Variants in PHACTR1 observed in about 807,000 individuals in gnomAD.
The protein encoded by PHACTR1 is phosphatase and actin regulator 1.
Under a neutral mutation model 69.2 loss-of-function variants are expected in PHACTR1, and 16 were observed. That is an observed-to-expected ratio of 0.23 (90% CI 0.16 to 0.35). The LOEUF (loss-of-function observed/expected upper bound fraction) is 0.35. PHACTR1 is among the 10% of genes least tolerant of loss of function. The pLI is 1.00. For synonymous variants in PHACTR1, 312 were observed against 284.5 expected, an observed-to-expected ratio of 1.10 and a Z score of -0.97; for missense variants, 510 against 734.7, an observed-to-expected ratio of 0.69 and a Z score of 3.54.
At position 13,238,173 on chromosome 6, in the gene PHACTR1, C is replaced by T. The variant is rs536948035; in HGVS notation, c.1391+7980C>T. ...ACTGCTTTCTTTTCCTTAACACCCACAGCCTGGGAATCAGACGGGTTTAAG... is the reference window on the plus strand; with the variant it reads ...ACTGCTTTCTTTTCCTTAACACCCATAGCCTGGGAATCAGACGGGTTTAAG... On this transcript the variant is annotated intron_variant, in intron 10 of 14. Transcript: ENST00000332995. Among the ~76,000 whole-genome samples the T allele has an allele frequency of 2.6e-5, 4 of 152,336 alleles. No individual in the cohort carries two copies. In the South Asian group the frequency reaches 8.3e-4, roughly 32 times the overall value.
chr6:12,731,538 T>C (rs578033963), intron 3 of PHACTR1, among the ~76,000 whole-genome samples: 1 of 152,342 alleles, frequency 6.6e-6, no homozygotes, highest in Non-Finnish European at 1.5e-5. Context: ...AATCTGGACA[T>C]GTACACTGAA....
chr6:13,173,119 A>T (rs1021532775), intron 6 of PHACTR1, among the ~76,000 whole-genome samples: 6 of 152,198 alleles, frequency 3.9e-5, no homozygotes, highest in African/African-American at 1.4e-4. Context: ...TTTAAACACA[A>T]ACACACACAA....
At chr6:12,789,478 A>T (rs1168073294) in intron 4 of PHACTR1, among the ~76,000 whole-genome samples, 1 of 151,996 alleles carries the variant, frequency 6.6e-6, no homozygotes, top group Admixed American at 6.6e-5. Context: ...CTCAATTGCT[A>T]TTATGATTTT....
rs1324983657 is a variant in PHACTR1 at position 12,765,074 on chromosome 6, A to G, written c.250+15284A>G. On this transcript the variant is annotated intron_variant, in intron 4 of 14. Transcript: ENST00000332995. Reference sequence around the variant, plus strand: ...TATTAGAATTTGGTTAAAGGGGGATAGGAAGTGAAGTACCTGGCGTAGTCA... The same window carrying G: ...TATTAGAATTTGGTTAAAGGGGGATGGGAAGTGAAGTACCTGGCGTAGTCA... Among the ~76,000 whole-genome samples, 9 of 152,334 alleles carry G rather than the reference A, an allele frequency of 5.9e-5. No individual in the cohort carries two copies. In the East Asian group the frequency reaches 1.7e-3, roughly 29 times the overall value.
chr6:12,898,628 G>C (rs1044383138), intron 4 of PHACTR1, among the ~76,000 whole-genome samples: 1 of 152,098 alleles, frequency 6.6e-6, no homozygotes, highest in Non-Finnish European at 1.5e-5. Flanking sequence ...ACATTGACTC[G>C]CACTGGGACC....
At chr6:12,934,445 T>C (rs1287498144) in intron 4 of PHACTR1, among the ~76,000 whole-genome samples, 3 of 152,244 alleles carry the variant, frequency 2.0e-5, no homozygotes, top group African/African-American at 7.2e-5. Flanking sequence ...ATTTACTCCA[T>C]GGCTCTGGAG....
In PHACTR1 at chr6:12,835,550, A is replaced by G. The variant is rs561763549; in HGVS notation, c.250+85760A>G. On this transcript the variant is annotated intron_variant, in intron 4 of 14. Coordinates refer to ENST00000332995, the MANE Select transcript of PHACTR1 (RefSeq NM_030948.6). ...ATTCAATAGTTTTAAAAGGGTATTCAGGAGAAATAAGTCTCCCTCCCAGCA... is the reference window on the plus strand; with the variant it reads ...ATTCAATAGTTTTAAAAGGGTATTCGGGAGAAATAAGTCTCCCTCCCAGCA... Among the ~76,000 whole-genome samples the G allele has an allele frequency of 4.0e-4, 61 of 152,310 alleles. 1 individual carries two copies. The highest frequency in any genetic ancestry group is 1.3e-3 in the African/African-American group (56 of 41,574).
chr6:12,795,771 A>T (rs1485289398), intron 4 of PHACTR1, among the ~76,000 whole-genome samples: 1 of 151,702 alleles, frequency 6.6e-6, no homozygotes, highest in Non-Finnish European at 1.5e-5. Flanking sequence ...CTTTTTAAAT[A>T]CTTAGGTAAC....
chr6:13,131,150 C>CAT (rs1342701046), intron 5 of PHACTR1, among the ~76,000 whole-genome samples: 12 of 150,738 alleles, frequency 8.0e-5, no homozygotes, highest in Admixed American at 2.6e-4. Context: ...TATATATACA[C>CAT]ATATATATGT....
At chr6:13,131,202 T>C (rs201868071) in intron 5 of PHACTR1, among the ~76,000 whole-genome samples, 23 of 18,344 alleles carry the variant, frequency 1.3e-3, no homozygotes, top group African/African-American at 3.0e-3. Flanking sequence ...CATATATATA[T>C]ACACATACAC....
At chr6:13,189,927 C>T (rs1763291926) in intron 7 of PHACTR1, among the ~76,000 whole-genome samples, 1 of 151,412 alleles carries the variant, frequency 6.6e-6, no homozygotes, top group Non-Finnish European at 1.5e-5. Context: ...GGTTCGGTTT[C>T]TAGTGACATA....
chr6:12,991,378 T>C (rs1294890417), intron 4 of PHACTR1, among the ~76,000 whole-genome samples: 1 of 152,196 alleles, frequency 6.6e-6, no homozygotes, highest in Non-Finnish European at 1.5e-5. Context: ...GACTGCCCCA[T>C]ACTGGAAAAT....
At chr6:12,750,076 A>G (rs912483734) in intron 4 of PHACTR1, among the ~76,000 whole-genome samples, 1 of 152,094 alleles carries the variant, frequency 6.6e-6, no homozygotes, top group Non-Finnish European at 1.5e-5. Context: ...AATAACCCGG[A>G]GCCCGGGCCG....
At chr6:12,867,129 T>A (rs1164605284) in intron 4 of PHACTR1, among the ~76,000 whole-genome samples, 2 of 152,106 alleles carry the variant, frequency 1.3e-5, no homozygotes, top group African/African-American at 4.8e-5. Flanking sequence ...GTTTGCAACA[T>A]ACTTAGGCAA....
Position 12,959,186 on chromosome 6 carries a change from AAAAAAAAAAGAAAAG to A in PHACTR1, c.251-94169_251-94155del, listed in dbSNP as rs1466452935. ...AGTGAGACTTTATCTCAAAAAAAAA[AAAAAAAAAAGAAAAG>A]AAAAAAAAAAGAAAAGAAAACAGAA... On this transcript the variant is annotated intron_variant, in intron 4 of 14. Coordinates refer to ENST00000332995, the MANE Select transcript of PHACTR1 (RefSeq NM_030948.6). 3.2e-3 allele frequency among the ~76,000 whole-genome samples: 354 copies of A among 111,544 alleles called. 4 individuals are homozygous for A. The highest frequency in any genetic ancestry group is 0.018 in the African/African-American group (336 of 19,020). The allele number at this position is 111,544 out of a possible 152,430, so 73.2% of individuals were successfully genotyped here.
At position 12,947,104 on chromosome 6, in the gene PHACTR1, G is replaced by A. The variant is rs114642615; in HGVS notation, c.251-106261G>A. ...GGGATTACAGGCGTGAGGTATGCCC[G>A]GCCGATGGTGCTGGATTTTTAGTGG... On this transcript the variant is annotated intron_variant, in intron 4 of 14. Transcript: ENST00000332995. Among the ~76,000 whole-genome samples the A allele has an allele frequency of 5.1e-3, 772 of 151,274 alleles. 6 individuals are homozygous for A. Among genetic ancestry groups the A allele is most frequent in the African/African-American group, 0.018 (749 of 41,238 alleles).
intron 6 of PHACTR1, among the ~76,000 whole-genome samples, chr6:13,162,426 C>T (rs141532856): frequency 4.1e-4 from 63 of 152,118 alleles, no homozygotes; most frequent in Admixed American, 1.6e-3. Flanking sequence ...CGCGCCCGGC[C>T]CCTCCCTTGT....
At chr6:12,969,787 C>A (rs949015829) in intron 4 of PHACTR1, among the ~76,000 whole-genome samples, 3 of 152,088 alleles carry the variant, frequency 2.0e-5, no homozygotes, top group African/African-American at 7.2e-5. Flanking sequence ...CATGGTGAAA[C>A]CCCATCTCTA....
At chr6:12,856,580 CTGAAAAATAAT>C (rs886416872) in intron 4 of PHACTR1, among the ~76,000 whole-genome samples, 2 of 152,138 alleles carry the variant, frequency 1.3e-5, no homozygotes, top group African/African-American at 2.4e-5. Flanking sequence ...CTTAAATTAT[CTGAAAAATAAT>C]TGCAGGACCA....
Sources: allele counts gnomAD v4.1 joint callset (sites outside exome capture counted in the v4.1 genomes callset), GRCh38; gene constraint gnomAD v4.1.1; transcripts MANE v1.5; gene names NCBI Gene and HGNC (gene_info 2026-07-23, HGNC 2026-07-21).